The following ALCAM variants were observed in gnomAD, a reference collection of about 807,000 sequenced individuals.
ALCAM encodes activated leukocyte cell adhesion molecule.
Under a neutral mutation model 70.9 loss-of-function variants are expected in ALCAM, and 30 were observed. That is an observed-to-expected ratio of 0.42 (90% CI 0.32 to 0.57). The LOEUF (loss-of-function observed/expected upper bound fraction) is 0.57, where lower values mean the gene tolerates loss of function less well. ALCAM is among the 20% of genes least tolerant of loss of function. The pLI is 0.11. For missense variants in ALCAM, 591 were observed against 695.1 expected (o/e 0.85, Z 1.68); for synonymous variants, 249 against 242.5 (o/e 1.03, Z -0.25).
intron 1 of ALCAM, among the ~76,000 whole-genome samples, chr3:105,441,845 C>A (rs971839338): frequency 1.3e-5 from 2 of 152,208 alleles, no homozygotes; most frequent in South Asian, 4.1e-4. Flanking sequence ...TTAAGAATTT[C>A]AACTCCACTT....
intron 1 of ALCAM, among the ~76,000 whole-genome samples, chr3:105,379,633 A>G (rs756234377): frequency 1.3e-5 from 2 of 151,848 alleles, no homozygotes; most frequent in Non-Finnish European, 2.9e-5. Flanking sequence ...TGTCATTTTG[A>G]TAATAAAATT....
chr3:105,383,435 A>G (rs897544285), intron 1 of ALCAM, among the ~76,000 whole-genome samples: 1 of 151,808 alleles, frequency 6.6e-6, no homozygotes, highest in Non-Finnish European at 1.5e-5. Context: ...TACATACATG[A>G]CAATTGAATA....
chr3:105,499,556 T>C (rs1376466077), intron 1 of ALCAM, among the ~76,000 whole-genome samples: 2 of 152,204 alleles, frequency 1.3e-5, no homozygotes, highest in African/African-American at 2.4e-5. Flanking sequence ...AAAAGAAATA[T>C]TTTTTGCCTT....
chr3:105,511,631 A>G (rs1268436594), intron 1 of ALCAM, among the ~76,000 whole-genome samples: 1 of 152,076 alleles, frequency 6.6e-6, no homozygotes, highest in Non-Finnish European at 1.5e-5. Flanking sequence ...TGCACCAAAT[A>G]TGTGGAAAAA....
At chr3:105,558,144 G>A (rs1940558426) in intron 14 of ALCAM, among the ~76,000 whole-genome samples, 1 of 152,034 alleles carries the variant, frequency 6.6e-6, no homozygotes, top group African/African-American at 2.4e-5. Context: ...CGGTTTGCTG[G>A]AAGTGGTAAC....
intron 1 of ALCAM, among the ~76,000 whole-genome samples, chr3:105,372,115 T>C (rs1297288312): frequency 6.6e-6 from 1 of 152,136 alleles, no homozygotes. Context: ...CATTTATACT[T>C]TTGATTACTT....
intron 1 of ALCAM, among the ~76,000 whole-genome samples, chr3:105,486,110 G>C (rs1239117397): frequency 1.3e-5 from 2 of 151,998 alleles, no homozygotes; most frequent in East Asian, 1.9e-4. Context: ...TAGTAACCTT[G>C]AACCTTTTTA....
Position 105,552,143 on chromosome 3 carries a change from G to A in ALCAM, c.1508-1G>A, listed in dbSNP as rs764096754. On this transcript the variant is annotated splice_acceptor_variant, in intron 12 of 15. Coordinates refer to ENST00000306107, the MANE Select transcript of ALCAM (RefSeq NM_001627.4). LOFTEE classifies it high-confidence loss of function. ...TTTCATATTAACATTTTTCATTTCA[G>A]TAAGTATTCCAGAACACGATGAGGC... 8 of 1,595,150 alleles carry A rather than the reference G, an allele frequency of 5.0e-6. No homozygotes were observed. Among genetic ancestry groups the A allele is most frequent in the Non-Finnish European group, 5.1e-6 (6 of 1,172,810 alleles).
chr3:105,397,762 A>G (rs917544324), intron 1 of ALCAM, among the ~76,000 whole-genome samples: 5 of 152,130 alleles, frequency 3.3e-5, no homozygotes, highest in Non-Finnish European at 1.5e-5. Context: ...AACTGAACCA[A>G]TAAAATGAAG....
At chr3:105,511,858 A>C (rs931703749) in intron 1 of ALCAM, among the ~76,000 whole-genome samples, 3 of 149,434 alleles carry the variant, frequency 2.0e-5, no homozygotes, top group African/African-American at 7.4e-5. Context: ...ACCAATTCAG[A>C]AGCAGAAATC....
rs1936600186 is a variant in ALCAM, at chr3:105,419,860, C to G, written c.73+52379C>G. On this transcript the variant is annotated intron_variant, in intron 1 of 15. Transcript: ENST00000306107. Reference sequence around the variant, plus strand: ...ATTATAATATCACATGATTCACATTCTGAAGAAGGTCAAATAATAAACATA... The same window carrying G: ...ATTATAATATCACATGATTCACATTGTGAAGAAGGTCAAATAATAAACATA... 2.0e-5 allele frequency among the ~76,000 whole-genome samples: 3 copies of G among 151,766 alleles called. No homozygotes were observed. The South Asian group carries it at 6.2e-4, about 31-fold the overall frequency.
intron 14 of ALCAM, among the ~76,000 whole-genome samples, chr3:105,569,334 T>A (rs1015420189): frequency 8.5e-5 from 13 of 152,076 alleles, no homozygotes; most frequent in African/African-American, 3.1e-4. Context: ...AGAAGAGATT[T>A]TGGGGATTAT....
At chr3:105,506,073 T>C (rs1939067073) in intron 1 of ALCAM, among the ~76,000 whole-genome samples, 1 of 152,178 alleles carries the variant, frequency 6.6e-6, no homozygotes, top group African/African-American at 2.4e-5. Context: ...CAGCTCCCTG[T>C]TTTTAAAATT....
chr3:105,523,995 T>C (rs1211907152), intron 2 of ALCAM, among the ~76,000 whole-genome samples: 1 of 152,204 alleles, frequency 6.6e-6, no homozygotes, highest in Non-Finnish European at 1.5e-5. Flanking sequence ...TTTTATTTTA[T>C]ATTAAACATA....
intron 5 of ALCAM, 97 bp from the exon 6 acceptor site, chr3:105,534,566 G>T: frequency 1.6e-6 from 2 of 1,223,276 alleles, no homozygotes; most frequent in Non-Finnish European, 2.4e-6. Flanking sequence ...ACAGTTAGAA[G>T]GAAAAAAAAC....
intron 1 of ALCAM, among the ~76,000 whole-genome samples, chr3:105,509,940 G>A (rs1235341903): frequency 6.6e-6 from 1 of 151,718 alleles, no homozygotes; most frequent in Non-Finnish European, 1.5e-5. Context: ...ACTAAATTGG[G>A]GTGGGATTTT....
intron 1 of ALCAM, among the ~76,000 whole-genome samples, chr3:105,483,500 G>A (rs1314617046): frequency 3.9e-5 from 6 of 152,168 alleles, no homozygotes; most frequent in East Asian, 1.9e-4. Flanking sequence ...GAAAATGTAC[G>A]GAGAAGCTTA....
At chr3:105,427,363 A>AG (rs1936816387) in intron 1 of ALCAM, among the ~76,000 whole-genome samples, 1 of 151,930 alleles carries the variant, frequency 6.6e-6, no homozygotes, top group African/African-American at 2.4e-5. Context: ...GAAGAAGGGA[A>AG]GAAGAACAGC....
chr3:105,511,229 A>G (rs1939227107), intron 1 of ALCAM, among the ~76,000 whole-genome samples: 1 of 152,076 alleles, frequency 6.6e-6, no homozygotes, highest in Non-Finnish European at 1.5e-5. Context: ...TGGGCAAGCT[A>G]CAATGAGCAT....
Sources: gnomAD v4.1 joint callset for allele counts (sites outside exome capture counted in the v4.1 genomes callset) on GRCh38, gnomAD v4.1.1 for gene constraint, MANE v1.5 for transcripts, NCBI Gene and HGNC (gene_info 2026-07-23, HGNC 2026-07-21) for gene names.